Variants in TMEM74 observed in about 807,000 individuals in gnomAD.
TMEM74 encodes transmembrane protein 74.
In TMEM74, 13 loss-of-function variants were observed where a neutral mutation model predicts 18.1. The observed-to-expected ratio is 0.72, with a 90% CI of 0.47 to 1.14. The LOEUF (loss-of-function observed/expected upper bound fraction) is 1.14. Among genes scored for constraint, TMEM74 ranks in the 50% most tolerant of loss-of-function variants. The probability of loss-of-function intolerance (pLI) is 0.00; values close to 1 mark genes in which losing one functional copy is unlikely to be tolerated. For synonymous variants in TMEM74, 159 were observed against 146.6 expected, an observed-to-expected ratio of 1.08 and a Z score of -0.61; for missense variants, 372 against 375.9, an observed-to-expected ratio of 0.99 and a Z score of 0.09.
chr8:108,773,191 A>G (rs1208363031), intron 1 of TMEM74, among the ~76,000 whole-genome samples: 1 of 152,064 alleles, frequency 6.6e-6, no homozygotes, highest in Non-Finnish European at 1.5e-5. Context: ...CAGGTCAGTT[A>G]TTATTCACTG....
At chr8:108,626,664 T>C (rs1365432418) in intron 2 of TMEM74, 5 of 152,064 alleles carry the variant, frequency 3.3e-5, no homozygotes, top group Non-Finnish European at 7.4e-5. Flanking sequence ...CACAACGTTA[T>C]CGTTCTTCCT....
chr8:108,749,897 G>A (rs1286494880), intron 1 of TMEM74, among the ~76,000 whole-genome samples: 1 of 152,102 alleles, frequency 6.6e-6, no homozygotes, highest in Non-Finnish European at 1.5e-5. Context: ...GCAAGATGAT[G>A]TCTTGGTCTA....
intron 1 of TMEM74, among the ~76,000 whole-genome samples, chr8:108,745,039 C>T (rs1287591814): frequency 2.0e-5 from 3 of 152,090 alleles, no homozygotes; most frequent in Non-Finnish European, 4.4e-5. Context: ...AGGGCCTAAA[C>T]GTATGTTTAC....
Position 108,784,535 on chromosome 8 carries a change from C to A in TMEM74, c.564G>T (p.Gly188=). Residue 188 remains glycine (G), a synonymous_variant, in exon 2 of 2, where the codon GGG becomes GGT. Coordinates refer to ENST00000297459, the MANE Select transcript of TMEM74 (RefSeq NM_153015.3). ...TGTAAGAGATGATCACGAGCAGGAT[C>A]CCAGTGACCAAGAACAAGATGGCGC... The part of the protein sequence containing the change: ...FISAILFLVT[G]ILLVIISYIV... The A allele has an allele frequency of 6.2e-7, 1 of 1,614,160 alleles. No homozygotes were observed. Among genetic ancestry groups the A allele is most frequent in the African/African-American group, 1.3e-5 (1 of 75,034 alleles).
At chr8:108,772,538 A>G (rs1814184485) in intron 1 of TMEM74, among the ~76,000 whole-genome samples, 1 of 152,194 alleles carries the variant, frequency 6.6e-6, no homozygotes, top group Non-Finnish European at 1.5e-5. Flanking sequence ...TGTGGAATAC[A>G]TACAAAGTGC....
At chr8:108,762,034 A>T (rs1814050362) in intron 1 of TMEM74, among the ~76,000 whole-genome samples, 2 of 152,158 alleles carry the variant, frequency 1.3e-5, no homozygotes, top group African/African-American at 4.8e-5. Context: ...AAGTTTAGAA[A>T]TAATTTAATA....
At chr8:108,728,705 A>T (rs1813664866) in intron 1 of TMEM74, among the ~76,000 whole-genome samples, 1 of 152,208 alleles carries the variant, frequency 6.6e-6, no homozygotes, top group East Asian at 1.9e-4. Flanking sequence ...TGAGTACCAA[A>T]TGATCTAATC....
chr8:108,739,978 TA>T (rs1813784366), intron 1 of TMEM74, among the ~76,000 whole-genome samples: 1 of 152,134 alleles, frequency 6.6e-6, no homozygotes, highest in African/African-American at 2.4e-5. Context: ...TATTTATTGG[TA>T]ATCCAACAGA....
chr8:108,765,410 T>TTTG (rs1286974200), intron 1 of TMEM74, among the ~76,000 whole-genome samples: 1 of 146,878 alleles, frequency 6.8e-6, no homozygotes, highest in Non-Finnish European at 1.5e-5. Flanking sequence ...GGAACTACTT[T>TTTG]TTTTTTTTTT....
chr8:108,745,142 G>A (rs1309547014), intron 1 of TMEM74, among the ~76,000 whole-genome samples: 1 of 152,112 alleles, frequency 6.6e-6, no homozygotes, highest in African/African-American at 2.4e-5. Flanking sequence ...AAACTCTTCA[G>A]CCTCTTTCTT....
At position 108,756,695 on chromosome 8, in the gene TMEM74, A is replaced by AGAAGGAAG. The variant is rs1189789597; in HGVS notation, n.119+30773_119+30780dup. Among the ~76,000 whole-genome samples the AGAAGGAAG allele has an allele frequency of 2.9e-3, 245 of 84,626 alleles. 11 individuals carry two copies. Among genetic ancestry groups the AGAAGGAAG allele is most frequent in the African/African-American group, 0.013 (235 of 18,406 alleles). The allele number at this position is 84,626 out of a possible 152,430, so 55.5% of individuals were successfully genotyped here. On this transcript the variant is annotated intron_variant and non_coding_transcript_variant, in intron 1 of 3. Transcript: ENST00000518838. ...AAGAAAGAAAGAAAGAAAGAAAGAAAGAAGGAAGGAAAGAAAGAAAGAAAG... is the reference window on the plus strand; with the variant it reads ...AAGAAAGAAAGAAAGAAAGAAAGAAAGAAGGAAGGAAGGAAGGAAAGAAAGAAAGAAAG...
intron 1 of TMEM74, among the ~76,000 whole-genome samples, chr8:108,765,930 AAAG>A (rs200686526): frequency 4.1e-5 from 5 of 122,834 alleles, no homozygotes; most frequent in East Asian, 2.4e-4. Flanking sequence ...TGTGAAAAAA[AAAG>A]TGTGTAAGAA....
intron 1 of TMEM74, among the ~76,000 whole-genome samples, chr8:108,658,525 T>C (rs1812868594): frequency 6.6e-6 from 1 of 151,942 alleles, no homozygotes; most frequent in African/African-American, 2.4e-5. Context: ...TCCAGACTGG[T>C]AAAAACAGAT....
chr8:108,778,221 C>G (rs895363532), downstream of TMEM74, among the ~76,000 whole-genome samples: 1 of 152,160 alleles, frequency 6.6e-6, no homozygotes, highest in South Asian at 2.1e-4. Flanking sequence ...CATTTCAGGG[C>G]TCATGATGGA....
At chr8:108,778,385 C>T (rs1814258462), downstream of TMEM74, among the ~76,000 whole-genome samples, 1 of 152,088 alleles carries the variant, frequency 6.6e-6, no homozygotes, top group Non-Finnish European at 1.5e-5. Context: ...AGACTGGGTC[C>T]CCTTGACTGC....
chr8:108,754,669 AGCTAG>A (rs1813938949), intron 1 of TMEM74, among the ~76,000 whole-genome samples: 2 of 151,640 alleles, frequency 1.3e-5, no homozygotes, highest in Admixed American at 1.3e-4. Context: ...GTAGCTAGGT[AGCTAG>A]GTAGCTAGGT....
At chr8:108,655,533 C>T (rs558082248) in intron 1 of TMEM74, 1 of 152,102 alleles carries the variant, frequency 6.6e-6, no homozygotes, top group Non-Finnish European at 1.5e-5. Flanking sequence ...TAGAAAGTGA[C>T]CTTGCAAAGC....
chr8:108,626,072 C>G (rs537915110), intron 2 of TMEM74, among the ~76,000 whole-genome samples: 2 of 152,118 alleles, frequency 1.3e-5, no homozygotes, highest in East Asian at 1.9e-4. Context: ...TTCAACATCT[C>G]ATTCAGGCTT....
chr8:108,760,081 G>GCTACTCA (rs1457845336), intron 1 of TMEM74, among the ~76,000 whole-genome samples: 4 of 151,846 alleles, frequency 2.6e-5, no homozygotes, highest in Admixed American at 2.0e-4. Context: ...GCTTAGGTAA[G>GCTACTCA]AGAATCGCTT....
Sources: allele counts gnomAD v4.1 joint callset (sites outside exome capture counted in the v4.1 genomes callset), GRCh38; gene constraint gnomAD v4.1.1; transcripts MANE v1.5; gene names NCBI Gene and HGNC (gene_info 2026-07-23, HGNC 2026-07-21).